CSMD1: variants seen among roughly 807,000 people sequenced by gnomAD.
CSMD1 encodes CUB and sushi domain-containing protein 1.
CSMD1 carries 213 observed loss-of-function variants against 417.5 expected under a neutral mutation model. The observed-to-expected ratio is 0.51, with a 90% confidence interval of 0.46 to 0.57. CSMD1 has a LOEUF of 0.57. Among genes scored for constraint, CSMD1 ranks in the 20% least tolerant of loss-of-function variants. The pLI is 0.00. For missense variants in CSMD1, 6,923 were observed against 4,529.7 expected (o/e 1.53, Z -15.17); for synonymous variants, 2,862 against 1,736.8 (o/e 1.65, Z -16.11).
intron 4 of CSMD1, among the ~76,000 whole-genome samples, chr8:4,027,466 G>C (rs1797122294): frequency 2.0e-5 from 3 of 152,080 alleles, no homozygotes; most frequent in African/African-American, 7.2e-5. Context: ...TTGTGACAGT[G>C]GGTGAGTTCT....
At chr8:3,872,580 T>A (rs540470408) in intron 5 of CSMD1, among the ~76,000 whole-genome samples, 8 of 152,294 alleles carry the variant, frequency 5.3e-5, no homozygotes, top group African/African-American at 1.9e-4. Context: ...AATTGCTTGA[T>A]AGAGTTCAGT....
rs146427549 is a variant in CSMD1 at position 2,992,796 on chromosome 8, T to G, written c.8377+5215A>C. Among the ~76,000 whole-genome samples the G allele has an allele frequency of 6.1e-3, 929 of 152,068 alleles. 8 individuals carry two copies. The highest frequency in any genetic ancestry group is 0.021 in the African/African-American group (879 of 41,460). ...CTTGCTCTGTTGCCCAGGCTGGAAG[T>G]GCCGTGTCTTGGCTCACTGTAGCCT... is the stretch of plus-strand genomic sequence containing the variant. On this transcript the variant is annotated intron_variant, in intron 54 of 69. Coordinates refer to ENST00000635120, the MANE Select transcript of CSMD1 (RefSeq NM_033225.6).
At chr8:3,971,507 C>G (rs1282969252) in intron 5 of CSMD1, among the ~76,000 whole-genome samples, 1 of 152,086 alleles carries the variant, frequency 6.6e-6, no homozygotes, top group African/African-American at 2.4e-5. Context: ...AATCAGAACT[C>G]CCGAATCTAT....
intron 1 of CSMD1, among the ~76,000 whole-genome samples, chr8:4,974,588 TAACA>T (rs1442527725): frequency 6.6e-6 from 1 of 152,140 alleles, no homozygotes; most frequent in Non-Finnish European, 1.5e-5. Flanking sequence ...GTTTTATGTA[TAACA>T]AACATCAACA....
chr8:4,058,873 G>A (rs757951361), intron 3 of CSMD1, among the ~76,000 whole-genome samples: 3 of 151,604 alleles, frequency 2.0e-5, no homozygotes, highest in Non-Finnish European at 2.9e-5. Flanking sequence ...GTCAACATTA[G>A]ACAGATCAAC....
At position 4,254,765 on chromosome 8, in the gene CSMD1, G is replaced by A. The variant is rs573673189; in HGVS notation, c.415+165188C>T. ...TGCAAAGTCTTACCATTGTGTTACA[G>A]TTGCCTACAGTCTGCAGGACCCTAA... is the stretch of plus-strand genomic sequence containing the variant. On this transcript the variant is annotated intron_variant, in intron 3 of 69. Coordinates refer to ENST00000635120, the MANE Select transcript of CSMD1 (RefSeq NM_033225.6). 8.7e-4 allele frequency among the ~76,000 whole-genome samples: 132 copies of A among 152,250 alleles called. 1 individual carries two copies. Among genetic ancestry groups the A allele is most frequent in the South Asian group, 2.7e-3 (13 of 4,826 alleles).
intron 2 of CSMD1, among the ~76,000 whole-genome samples, chr8:4,420,576 G>A (rs1371431369): frequency 6.6e-6 from 1 of 152,034 alleles, no homozygotes; most frequent in Admixed American, 6.6e-5. Flanking sequence ...ATGTGAATGT[G>A]TGTATAAACA....
At chr8:4,042,920 G>C (rs552037506) in intron 3 of CSMD1, among the ~76,000 whole-genome samples, 6 of 147,328 alleles carry the variant, frequency 4.1e-5, no homozygotes, top group East Asian at 2.1e-4. Context: ...GAGTTCAGGA[G>C]TTCAAGACCA....
chr8:4,230,119 T>G (rs1670868157), intron 3 of CSMD1, among the ~76,000 whole-genome samples: 1 of 152,202 alleles, frequency 6.6e-6, no homozygotes, highest in African/African-American at 2.4e-5. Flanking sequence ...TTTCTAAGAT[T>G]AAATCATCTC....
At chr8:3,834,126 T>C (rs1037382422) in intron 5 of CSMD1, among the ~76,000 whole-genome samples, 14 of 152,216 alleles carry the variant, frequency 9.2e-5, no homozygotes, top group African/African-American at 2.4e-4. Flanking sequence ...ACATTTCTAA[T>C]TGTCTTCAAT....
At chr8:4,849,459 A>G (rs969663463) in intron 1 of CSMD1, among the ~76,000 whole-genome samples, 1 of 152,160 alleles carries the variant, frequency 6.6e-6, no homozygotes, top group Non-Finnish European at 1.5e-5. Flanking sequence ...AGTCCACAAT[A>G]GTGAACAGTA....
chr8:3,187,263 A>G (rs990409289), intron 36 of CSMD1, among the ~76,000 whole-genome samples: 1 of 152,174 alleles, frequency 6.6e-6, no homozygotes, highest in African/African-American at 2.4e-5. Context: ...ATCTGGAGGC[A>G]GGATATCCTG....
intron 3 of CSMD1, among the ~76,000 whole-genome samples, chr8:4,078,121 G>C (rs991389215): frequency 1.3e-5 from 2 of 152,142 alleles, no homozygotes; most frequent in African/African-American, 4.8e-5. Context: ...TACATGGAAA[G>C]TGCTATAATG....
In CSMD1 at chr8:4,770,468, A is replaced by G. The variant is rs138765285; in HGVS notation, c.86-132910T>C. Among the ~76,000 whole-genome samples the G allele has an allele frequency of 4.1e-3, 617 of 151,276 alleles. 3 individuals carry two copies. The highest frequency in any genetic ancestry group is 0.01 in the Middle Eastern group (3 of 290). On this transcript the variant is annotated intron_variant, in intron 1 of 69. Coordinates refer to ENST00000635120, the MANE Select transcript of CSMD1 (RefSeq NM_033225.6). ...TCACAGAATTTTTTTTTTAATTTCT[A>G]AAATGTGTGTGGAACCCTAAAAGAC...
chr8:4,896,794 G>T (rs1804515994), intron 1 of CSMD1, among the ~76,000 whole-genome samples: 1 of 151,990 alleles, frequency 6.6e-6, no homozygotes, highest in Non-Finnish European at 1.5e-5. Flanking sequence ...GCTCCAGCGG[G>T]GTAGGGCGGG....
intron 7 of CSMD1, among the ~76,000 whole-genome samples, chr8:3,630,537 G>C (rs776368340): frequency 2.6e-5 from 4 of 152,204 alleles, no homozygotes; most frequent in African/African-American, 9.6e-5. Context: ...TACTCCTACA[G>C]ACCCAGGCAA....
At chr8:3,357,143 A>G (rs991780092) in intron 21 of CSMD1, among the ~76,000 whole-genome samples, 2 of 152,110 alleles carry the variant, frequency 1.3e-5, no homozygotes, top group African/African-American at 4.8e-5. Flanking sequence ...AATTAGAGAG[A>G]AATGAAGACA....
chr8:3,400,136 G>T (rs1013939474), intron 15 of CSMD1, among the ~76,000 whole-genome samples: 1 of 152,164 alleles, frequency 6.6e-6, no homozygotes, highest in Non-Finnish European at 1.5e-5. Context: ...GAGAAATAAA[G>T]TTTGAAAGGG....
At chr8:4,076,036 A>T (rs1421341572) in intron 3 of CSMD1, among the ~76,000 whole-genome samples, 2 of 152,174 alleles carry the variant, frequency 1.3e-5, no homozygotes, top group Non-Finnish European at 2.9e-5. Flanking sequence ...AATATTATGG[A>T]AAGATAAGTG....
Sources: allele counts gnomAD v4.1 joint callset (sites outside exome capture counted in the v4.1 genomes callset), GRCh38; gene constraint gnomAD v4.1.1; transcripts MANE v1.5; gene names NCBI Gene and HGNC (gene_info 2026-07-23, HGNC 2026-07-21).